VCL: variants seen among roughly 807,000 people sequenced by gnomAD.
The protein encoded by VCL is vinculin.
A neutral mutation model predicts 125.7 loss-of-function variants in VCL; 47 were observed. That is an observed-to-expected ratio of 0.37 (90% CI 0.30 to 0.48). The LOEUF (loss-of-function observed/expected upper bound fraction) is 0.48, where lower values mean the gene tolerates loss of function less well. Among genes scored for constraint, VCL ranks in the 20% least tolerant of loss-of-function variants. The pLI, the probability that VCL is intolerant of heterozygous loss-of-function variation, is 0.99. For synonymous variants in VCL, 458 were observed against 514.6 expected, an observed-to-expected ratio of 0.89 and a Z score of 1.49; for missense variants, 1,069 against 1,455.5, an observed-to-expected ratio of 0.73 and a Z score of 4.32.
chr10:74,045,360 C>T (rs566148798), intron 2 of VCL, among the ~76,000 whole-genome samples: 84 of 152,044 alleles, frequency 5.5e-4, no homozygotes, highest in African/African-American at 2.0e-3. Context: ...TGGTGACTCA[C>T]ACCTGTAATC....
intron 2 of VCL, among the ~76,000 whole-genome samples, chr10:74,050,117 G>A (rs1052764793): frequency 7.9e-5 from 12 of 152,146 alleles, no homozygotes; most frequent in African/African-American, 2.9e-4. Context: ...ACTTGAAAAG[G>A]GCATGGTGTA....
chr10:74,057,773 A>C (rs1591677774), intron 2 of VCL, among the ~76,000 whole-genome samples: 1 of 152,090 alleles, frequency 6.6e-6, no homozygotes, highest in South Asian at 2.1e-4. Flanking sequence ...CTCTATTAAA[A>C]ATACAAAAAA....
In VCL at chr10:74,101,076, G is replaced by A. The variant is rs747424067; in HGVS notation, c.2001G>A (p.Thr667=). ...AAGGCATTCAGGCCTCAGTGAAGACGGCCCGAGAACTCACACCCCAGGTTG... is the reference window on the plus strand; with the variant it reads ...AAGGCATTCAGGCCTCAGTGAAGACAGCCCGAGAACTCACACCCCAGGTTG... ...TVEGIQASVK[T]ARELTPQVVS... Residue 667 remains threonine, a synonymous_variant, in exon 14 of 22, where the codon ACG becomes ACA. Transcript: ENST00000211998. 8.1e-6 allele frequency: 13 copies of A among 1,613,364 alleles called. No individual in the cohort carries two copies. Among genetic ancestry groups the A allele is most frequent in the African/African-American group, 2.7e-5 (2 of 74,824 alleles).
chr10:74,072,596 A>AT (rs1841678093), intron 4 of VCL, 134 bp from the exon 5 acceptor site: 1 of 1,248,850 alleles, frequency 8.0e-7, no homozygotes, highest in Admixed American at 1.9e-5. Context: ...GAGTTCAGTG[A>AT]TGGTGTCTGT....
intron 1 of VCL, among the ~76,000 whole-genome samples, chr10:74,039,061 G>GCA: frequency 6.6e-6 from 1 of 152,134 alleles, no homozygotes; most frequent in Middle Eastern, 3.4e-3. Context: ...ATAGGCATCC[G>GCA]CCACCACGCC....
intron 1 of VCL, chr10:74,016,685 ATAT>A (rs1242142314): frequency 1.3e-5 from 2 of 152,188 alleles, no homozygotes; most frequent in African/African-American, 4.8e-5. Flanking sequence ...AATGTACATA[ATAT>A]TAGCTTTACA....
intron 16 of VCL, among the ~76,000 whole-genome samples, chr10:74,106,403 A>G (rs1840135036): frequency 6.6e-6 from 1 of 152,120 alleles, no homozygotes; most frequent in Admixed American, 6.5e-5. Context: ...TCAAATCTGG[A>G]GGGCTTAAGT....
At chr10:74,059,212 C>G (rs535297843) in intron 2 of VCL, among the ~76,000 whole-genome samples, 1 of 151,948 alleles carries the variant, frequency 6.6e-6, no homozygotes, top group Non-Finnish European at 1.5e-5. Flanking sequence ...AAAACTAGTT[C>G]GGCATGGTGG....
chr10:74,105,194 C>T lies in VCL; in HGVS notation c.2275C>T (p.Arg759Trp), dbSNP rs774477633. Residue 759 changes from arginine (R) to tryptophan (W), a missense_variant, in exon 16 of 22, where the codon CGG becomes TGG. Around this residue, in one of 6 missense-constraint regions of VCL, gnomAD observed 760 missense variants for 928.9 expected, o/e 0.82. Coordinates refer to ENST00000211998, the MANE Select transcript of VCL (RefSeq NM_014000.3). The part of the protein sequence containing the change: ...LVAGATSIAR[R>W]ANRILLVAKR... ...TGCTGGGGCAACCAGTATTGCTCGT[C>T]GGGCCAACCGGATCCTGCTGGTGGC... 3 of 1,614,032 alleles carry T rather than the reference C, an allele frequency of 1.9e-6. No individual in the cohort carries two copies. The highest frequency in any genetic ancestry group is 2.5e-6 in the Non-Finnish European group (3 of 1,180,036).
At chr10:74,006,544 C>G (rs1840326866) in intron 1 of VCL, among the ~76,000 whole-genome samples, 1 of 152,168 alleles carries the variant, frequency 6.6e-6, no homozygotes, top group Non-Finnish European at 1.5e-5. Context: ...ACAAACTAGC[C>G]TGGTTATTTC....
At chr10:74,030,707 A>C (rs1591660947) in intron 1 of VCL, among the ~76,000 whole-genome samples, 1 of 152,252 alleles carries the variant, frequency 6.6e-6, no homozygotes, top group East Asian at 1.9e-4. Flanking sequence ...GATGGAATGC[A>C]GATCCAAATT....
Position 74,006,369 on chromosome 10 carries a change from A to T in VCL, c.168+7994A>T, listed in dbSNP as rs955320086. On this transcript the variant is annotated intron_variant, in intron 1 of 21. Transcript: ENST00000211998. ...AAGCTGTTTTATAAATAGAGCTGGT[A>T]TAACTCTAAATGGACAAAGTAAGAG... 4.6e-5 allele frequency among the ~76,000 whole-genome samples: 7 copies of T among 152,360 alleles called. No individual in the cohort carries two copies. In the East Asian group the frequency reaches 1.3e-3, roughly 29 times the overall value.
intron 2 of VCL, among the ~76,000 whole-genome samples, chr10:74,060,767 T>A (rs72816359): frequency 3.6e-4 from 55 of 152,258 alleles, no homozygotes; most frequent in Non-Finnish European, 7.8e-4. Flanking sequence ...TCTTCTTGGT[T>A]AGTGATAATT....
At chr10:74,007,661 A>G (rs1363403813) in intron 1 of VCL, among the ~76,000 whole-genome samples, 2 of 150,588 alleles carry the variant, frequency 1.3e-5, no homozygotes, top group East Asian at 2.0e-4. Context: ...ACACCCAGCT[A>G]ATTTTTGTAT....
rs2270551 is a variant in VCL at position 74,109,307 on chromosome 10, T to C, written c.2745+151T>C. On this transcript the variant is annotated intron_variant, in intron 18 of 21. Coordinates refer to ENST00000211998, the MANE Select transcript of VCL (RefSeq NM_014000.3). Reference sequence around the variant, plus strand: ...CCAATAGCATATTCCTCTTCTTACCTGTGCTTTAGTGAGATGTTTCTGACA... The same window carrying C: ...CCAATAGCATATTCCTCTTCTTACCCGTGCTTTAGTGAGATGTTTCTGACA... The C allele has an allele frequency of 0.53, 516,582 of 974,318 alleles. 144,538 individuals carry two copies. The highest frequency in any genetic ancestry group is 0.63 in the Middle Eastern group (1,993 of 3,146). The allele number at this position is 974,318 out of a possible 1,614,324, so 60.4% of individuals were successfully genotyped here. A position where few individuals can be genotyped will look rare whatever the true frequency, so the allele number is the denominator to read the frequency against.
intron 7 of VCL, among the ~76,000 whole-genome samples, chr10:74,083,073 A>T (rs1226478006): frequency 2.0e-5 from 3 of 152,204 alleles, no homozygotes; most frequent in Admixed American, 6.5e-5. Context: ...TGGAGGTGCT[A>T]AATACTATTA....
rs572757800 is a variant in VCL, at chr10:74,094,408, T to C, written c.1490T>C (p.Ile497Thr). The C allele has an allele frequency of 2.4e-5, 38 of 1,614,092 alleles. No homozygotes were observed. The highest frequency in any genetic ancestry group is 2.3e-4 in the African/African-American group (17 of 75,004). Residue 497 changes from isoleucine (I) to threonine (T), a missense_variant, in exon 11 of 22, where the codon ATT becomes ACT. Ile to Thr is a moderately conservative substitution (Grantham distance 89). Coordinates refer to ENST00000211998, the MANE Select transcript of VCL (RefSeq NM_014000.3). ...GCAGCTGTACACCTTGAGGGCAAGA[T>C]TGAGCAAGCACAGCGGTGGATTGAT... ...AKAAVHLEGK[I>T]EQAQRWIDNP...
In VCL at chr10:74,016,300, A is replaced by C. The variant is rs998261803; in HGVS notation, c.168+17925A>C. Among the ~76,000 whole-genome samples, 4 of 152,236 alleles carry C rather than the reference A, an allele frequency of 2.6e-5. No homozygotes were observed. In the East Asian group the frequency reaches 7.7e-4, roughly 29 times the overall value. On this transcript the variant is annotated intron_variant, in intron 1 of 21. Transcript: ENST00000211998. ...ATAAGAGCTTAATACCAGAGAGAGA[A>C]TAGCAAGGCACTTTTAAAATCTGGT...
At chr10:74,053,552 T>G (rs1417532348) in intron 2 of VCL, among the ~76,000 whole-genome samples, 1 of 152,166 alleles carries the variant, frequency 6.6e-6, no homozygotes, top group African/African-American at 2.4e-5. Context: ...TTTACTTTTC[T>G]CAAGTTTATT....
Sources: allele counts gnomAD v4.1 joint callset (sites outside exome capture counted in the v4.1 genomes callset), GRCh38; gene constraint gnomAD v4.1.1; regional missense constraint gnomAD v4.1.1; transcripts MANE v1.5; gene names NCBI Gene and HGNC (gene_info 2026-07-23, HGNC 2026-07-21).